The following SAMD12 variants were observed in gnomAD, a reference collection of about 807,000 sequenced individuals.
SAMD12 encodes the protein sterile alpha motif domain-containing protein 12.
In SAMD12, 9 loss-of-function variants were observed where a neutral mutation model predicts 15.0. The ratio of observed to expected loss-of-function variants is 0.60; its 90% CI spans 0.36 to 1.05. The LOEUF is 1.05. SAMD12 is among the 50% of genes least tolerant of loss of function. The pLI is 0.01. For synonymous variants in SAMD12, 86 were observed against 90.1 expected, an observed-to-expected ratio of 0.96 and a Z score of 0.25; for missense variants, 230 against 234.2, an observed-to-expected ratio of 0.98 and a Z score of 0.12.
intron 3 of SAMD12, among the ~76,000 whole-genome samples, chr8:118,431,275 A>G (rs1048860964): frequency 6.6e-6 from 1 of 152,194 alleles, no homozygotes; most frequent in African/African-American, 2.4e-5. Context: ...GTTAGCCTTT[A>G]GATCAATTAA....
intron 3 of SAMD12, among the ~76,000 whole-genome samples, chr8:118,387,976 A>G (rs1820055202): frequency 6.6e-6 from 1 of 152,190 alleles, no homozygotes; most frequent in Admixed American, 6.5e-5. Context: ...CAGCTATACT[A>G]CTGGAAACTA....
chr8:118,456,707 CCATT>C (rs770554615), intron 2 of SAMD12, among the ~76,000 whole-genome samples: 1 of 152,188 alleles, frequency 6.6e-6, no homozygotes, highest in South Asian at 2.1e-4. Flanking sequence ...TGCTCTGTCT[CCATT>C]CATTCATTCA....
the SAMD12 span, among the ~76,000 whole-genome samples, chr8:118,142,441 C>A: frequency 6.6e-6 from 1 of 152,166 alleles, no homozygotes; most frequent in African/African-American, 2.4e-5. Flanking sequence ...TTCTGGGAAC[C>A]TTCTCCTGTC....
chr8:118,194,745 G>A (rs147542084), exon 5 of SAMD12: 5 of 152,192 alleles, frequency 3.3e-5, no homozygotes, highest in East Asian at 1.9e-4. Flanking sequence ...GTAACATTCC[G>A]TACATGCATC....
chr8:118,151,437 T>C, the SAMD12 span, among the ~76,000 whole-genome samples: 1 of 152,190 alleles, frequency 6.6e-6, no homozygotes, highest in East Asian at 1.9e-4. Flanking sequence ...CTCTCAGTAA[T>C]GCTCTATTCA....
intron 3 of SAMD12, 63 bp downstream of exon 3, chr8:118,439,769 G>A: frequency 2.6e-6 from 4 of 1,528,598 alleles, no homozygotes; most frequent in Middle Eastern, 2.0e-4. Context: ...AAGGGTATGG[G>A]AAAGGCTATC....
At chr8:118,302,313 C>A (rs115230297) in intron 4 of SAMD12, among the ~76,000 whole-genome samples, 1 of 151,974 alleles carries the variant, frequency 6.6e-6, no homozygotes. Context: ...TCATTTAGTT[C>A]TTTGCTCATA....
At chr8:118,189,406 T>C (rs1363529801), downstream of SAMD12, 1 of 152,200 alleles carries the variant, frequency 6.6e-6, no homozygotes, top group Non-Finnish European at 1.5e-5. Context: ...TAGAAAAGTT[T>C]AATGTAATTT....
At chr8:118,403,657 T>C (rs1286218245) in intron 3 of SAMD12, among the ~76,000 whole-genome samples, 3 of 152,154 alleles carry the variant, frequency 2.0e-5, no homozygotes, top group Non-Finnish European at 4.4e-5. Flanking sequence ...AACAAAACCC[T>C]AGTTTCTTAA....
At chr8:118,306,907 T>G (rs571326345) in intron 4 of SAMD12, among the ~76,000 whole-genome samples, 1 of 152,312 alleles carries the variant, frequency 6.6e-6, no homozygotes, top group African/African-American at 2.4e-5. Flanking sequence ...CTGTGAAGCT[T>G]TCAAAAAGCT....
At chr8:118,382,756 T>A (rs1819739056) in intron 3 of SAMD12, among the ~76,000 whole-genome samples, 1 of 152,162 alleles carries the variant, frequency 6.6e-6, no homozygotes, top group South Asian at 2.1e-4. Context: ...TTTTTCCCAC[T>A]CTATATTCAG....
intron 2 of SAMD12, among the ~76,000 whole-genome samples, chr8:118,541,364 A>C (rs558729170): frequency 1.3e-5 from 2 of 152,124 alleles, no homozygotes; most frequent in Non-Finnish European, 2.9e-5. Context: ...GAAACTGCCT[A>C]TCCACATACC....
At chr8:118,224,621 A>G (rs1162465051) in intron 4 of SAMD12, among the ~76,000 whole-genome samples, 1 of 152,218 alleles carries the variant, frequency 6.6e-6, no homozygotes, top group Non-Finnish European at 1.5e-5. Flanking sequence ...AAATGAAAAA[A>G]AGAAAATAAA....
chr8:118,316,088 A>G (rs56067593), intron 4 of SAMD12, among the ~76,000 whole-genome samples: 21,217 of 152,096 alleles, frequency 0.14, 1,676 homozygotes, highest in African/African-American at 0.2. Flanking sequence ...ACTCTCTCAC[A>G]TGCTGTTCGA....
intron 2 of SAMD12, among the ~76,000 whole-genome samples, chr8:118,442,078 CCT>C (rs1352729690): frequency 6.6e-6 from 1 of 152,164 alleles, no homozygotes; most frequent in Non-Finnish European, 1.5e-5. Context: ...TTTGCAGTGC[CCT>C]GAGTGAATCC....
intron 3 of SAMD12, among the ~76,000 whole-genome samples, chr8:118,401,541 C>CCTT (rs10630727): frequency 1.4e-5 from 2 of 140,252 alleles, no homozygotes. Context: ...CCTTCTTCTT[C>CCTT]TTTTTTTTTT....
At chr8:118,302,669 T>A (rs961647300) in intron 4 of SAMD12, among the ~76,000 whole-genome samples, 5 of 152,216 alleles carry the variant, frequency 3.3e-5, no homozygotes, top group Non-Finnish European at 7.3e-5. Flanking sequence ...TCTGTTGATC[T>A]TGAAATGTGT....
chr8:118,348,450 A>G (rs1817777654), intron 4 of SAMD12, among the ~76,000 whole-genome samples: 2 of 150,320 alleles, frequency 1.3e-5, no homozygotes, highest in South Asian at 4.2e-4. Context: ...CGCTCACCGC[A>G]AGCTCCGCCC....
At chr8:118,493,781 A>C (rs1475331152) in intron 2 of SAMD12, among the ~76,000 whole-genome samples, 2 of 152,166 alleles carry the variant, frequency 1.3e-5, no homozygotes, top group African/African-American at 4.8e-5. Flanking sequence ...CACTCAGACC[A>C]AGGAGGAAGG....
Sources: allele counts gnomAD v4.1 joint callset (sites outside exome capture counted in the v4.1 genomes callset), GRCh38; gene constraint gnomAD v4.1.1; transcripts MANE v1.5; gene names NCBI Gene and HGNC (gene_info 2026-07-23, HGNC 2026-07-21).